MAP3K7: variants seen among roughly 807,000 people sequenced by gnomAD.
MAP3K7 encodes mitogen-activated protein kinase kinase kinase 7.
A neutral mutation model predicts 84.8 loss-of-function variants in MAP3K7; 21 were observed. The observed-to-expected ratio is 0.25, with a 90% CI of 0.18 to 0.36. The LOEUF is 0.36. MAP3K7 is among the 10% of genes least tolerant of loss of function. The pLI is 1.00. For missense variants in MAP3K7, 503 were observed against 747.7 expected, an observed-to-expected ratio of 0.67 and a Z score of 3.82; for synonymous variants, 241 against 247.7, an observed-to-expected ratio of 0.97 and a Z score of 0.25.
rs193093489 is a variant in MAP3K7, at chr6:90,542,470, A to C, written c.1291+2082T>G. The C allele has an allele frequency of 2.6e-4, 257 of 985,206 alleles. No homozygotes were observed. In the African/African-American group the frequency reaches 4.2e-3, roughly 16 times the overall value. The allele number at this position is 985,206 out of a possible 1,614,324, so 61.0% of individuals were successfully genotyped here. ...GAGAATTAAGGTTACCTGATTCCATAAAGGCCCAATGTCATAAAAGAGGAT... is the reference window on the plus strand; with the variant it reads ...GAGAATTAAGGTTACCTGATTCCATCAAGGCCCAATGTCATAAAAGAGGAT... On this transcript the variant is annotated intron_variant, in intron 12 of 16. Coordinates refer to ENST00000369329, the MANE Select transcript of MAP3K7 (RefSeq NM_145331.3).
intron 1 of MAP3K7, among the ~76,000 whole-genome samples, chr6:90,583,233 C>G (rs555402846): frequency 1.3e-5 from 2 of 152,102 alleles, no homozygotes; most frequent in African/African-American, 2.4e-5. Flanking sequence ...TGAGAATGTT[C>G]ATTAAATGCT....
intron 16 of MAP3K7, 125 bp downstream of exon 16, chr6:90,518,322 A>G: frequency 1.7e-6 from 1 of 594,830 alleles, no homozygotes. Flanking sequence ...GGGTGCTTAA[A>G]GCTTAAACAA....
chr6:90,534,974 GA>G (rs1168224334), intron 13 of MAP3K7, among the ~76,000 whole-genome samples: 1 of 152,040 alleles, frequency 6.6e-6, no homozygotes, highest in Non-Finnish European at 1.5e-5. Context: ...GAGAAAACGG[GA>G]AACTTCAGCC....
chr6:90,546,740 GAT>G (rs1776012119), intron 11 of MAP3K7, among the ~76,000 whole-genome samples: 1 of 151,962 alleles, frequency 6.6e-6, no homozygotes, highest in Non-Finnish European at 1.5e-5. Context: ...ATAAAATTAT[GAT>G]ATTTTATTTT....
intron 16 of MAP3K7, 89 bp downstream of exon 16, chr6:90,518,358 T>G: frequency 1.4e-6 from 1 of 724,268 alleles, no homozygotes; most frequent in Non-Finnish European, 2.2e-6. Flanking sequence ...AATGACTAAT[T>G]CTAAAAACTA....
intron 1 of MAP3K7, among the ~76,000 whole-genome samples, chr6:90,581,436 C>T (rs892923366): frequency 6.6e-6 from 1 of 152,082 alleles, no homozygotes; most frequent in Non-Finnish European, 1.5e-5. Flanking sequence ...CTTGGAGCCT[C>T]CAACTATGTT....
At chr6:90,561,192 T>C (rs997326016) in intron 4 of MAP3K7, among the ~76,000 whole-genome samples, 7 of 152,064 alleles carry the variant, frequency 4.6e-5, no homozygotes, top group Admixed American at 6.5e-5. Flanking sequence ...TTTTTTTCAT[T>C]ACTACAAATA....
chr6:90,574,920 A>G (rs1777022823), intron 1 of MAP3K7, among the ~76,000 whole-genome samples: 2 of 152,184 alleles, frequency 1.3e-5, no homozygotes, highest in Admixed American at 1.3e-4. Context: ...TGGGCTTAAG[A>G]AGCCTCCATT....
chr6:90,564,750 A>G (rs1224601949), intron 3 of MAP3K7, among the ~76,000 whole-genome samples: 2 of 152,236 alleles, frequency 1.3e-5, no homozygotes, highest in East Asian at 1.9e-4. Flanking sequence ...TCTCCATCCC[A>G]AATCAACAGA....
At chr6:90,572,454 T>C (rs947840741) in intron 1 of MAP3K7, among the ~76,000 whole-genome samples, 3 of 152,028 alleles carry the variant, frequency 2.0e-5, no homozygotes, top group Non-Finnish European at 4.4e-5. Context: ...TATGATTCCA[T>C]TTATACAAAA....
rs34272572 is a variant in MAP3K7 at position 90,572,327 on chromosome 6, AT to A, written c.121-521del. Among the ~76,000 whole-genome samples, 278 of 152,170 alleles carry A rather than the reference AT, an allele frequency of 1.8e-3. 1 individual carries two copies. Among genetic ancestry groups the A allele is most frequent in the Admixed American group, 3.5e-3 (53 of 15,282 alleles). On this transcript the variant is annotated intron_variant, in intron 1 of 16. Transcript: ENST00000369329. ...TGAAGGACAGACAAAATATAGTATT[AT>A]TTATTCCATGGAATTTTATTCCGCA...
chr6:90,582,671 C>T (rs1363566899), intron 1 of MAP3K7, among the ~76,000 whole-genome samples: 3 of 152,006 alleles, frequency 2.0e-5, no homozygotes, highest in African/African-American at 7.2e-5. Flanking sequence ...ACGATGGTCA[C>T]TTTATTCAAA....
At chr6:90,544,795 A>G (rs1314745102) in intron 11 of MAP3K7, among the ~76,000 whole-genome samples, 163 bp from the exon 12 acceptor site, 1 of 152,144 alleles carries the variant, frequency 6.6e-6, no homozygotes, top group East Asian at 1.9e-4. Context: ...TGCTCAGAAA[A>G]GGCGAGATTA....
In MAP3K7 at chr6:90,554,812, T is replaced by A. The variant is rs34092563; in HGVS notation, c.608-1226A>T. 8.7e-3 allele frequency among the ~76,000 whole-genome samples: 1,330 copies of A among 152,340 alleles called. 7 individuals are homozygous for A. Among genetic ancestry groups the A allele is most frequent in the South Asian group, 0.022 (104 of 4,826 alleles). ...AACAATGTCAAATGTATACATTCTG[T>A]ATATGAAACAGGAGGCATTATTTAA... On this transcript the variant is annotated intron_variant, in intron 6 of 16. Coordinates refer to ENST00000369329, the MANE Select transcript of MAP3K7 (RefSeq NM_145331.3).
At chr6:90,546,207 T>C (rs1003928502) in intron 11 of MAP3K7, among the ~76,000 whole-genome samples, 1 of 152,168 alleles carries the variant, frequency 6.6e-6, no homozygotes, top group Non-Finnish European at 1.5e-5. Context: ...TCATGATTAG[T>C]TGAAGACAAG....
At chr6:90,568,443 A>G (rs932798147) in intron 3 of MAP3K7, 115 bp downstream of exon 3, 16 of 714,620 alleles carry the variant, frequency 2.2e-5, no homozygotes, top group Middle Eastern at 2.5e-4. Context: ...AAAAAATATA[A>G]TATTTTTGAA....
intron 3 of MAP3K7, among the ~76,000 whole-genome samples, chr6:90,567,761 C>T (rs1398427258): frequency 6.6e-6 from 1 of 152,206 alleles, no homozygotes; most frequent in East Asian, 1.9e-4. Context: ...GACACATGGA[C>T]ACGTATGTTT....
intron 9 of MAP3K7, 118 bp downstream of exon 9, chr6:90,550,350 T>A (rs968076329): frequency 3.2e-6 from 2 of 630,636 alleles, no homozygotes; most frequent in Admixed American, 3.2e-5. Context: ...GTCAATCATA[T>A]GAAATGAAGG....
intron 1 of MAP3K7, among the ~76,000 whole-genome samples, chr6:90,579,787 T>G (rs545032035): frequency 6.6e-6 from 1 of 152,328 alleles, no homozygotes; most frequent in Admixed American, 6.5e-5. Context: ...CTCCCATTGT[T>G]TAAAAATACC....
Sources: allele counts gnomAD v4.1 joint callset (sites outside exome capture counted in the v4.1 genomes callset), GRCh38; gene constraint gnomAD v4.1.1; transcripts MANE v1.5; gene names NCBI Gene and HGNC (gene_info 2026-07-23, HGNC 2026-07-21).